SNX29: variants seen among roughly 807,000 people sequenced by gnomAD.
SNX29 encodes sorting nexin-29.
A neutral mutation model predicts 102.1 loss-of-function variants in SNX29; 78 were observed. That is an observed-to-expected ratio of 0.76 (90% CI 0.64 to 0.92). The LOEUF is 0.92. Among genes scored for constraint, SNX29 ranks in the 40% least tolerant of loss-of-function variants. The pLI, the probability that SNX29 is intolerant of heterozygous loss-of-function variation, is 0.00. For missense variants in SNX29, 1,280 were observed against 1,061.7 expected (o/e 1.21, Z -2.86); for synonymous variants, 580 against 414.5 (o/e 1.40, Z -4.85).
rs189866329 is a variant in SNX29 at position 12,123,170 on chromosome 16, T to A, written c.1403-3463T>A. ...ACTATATGACAAAAATTGTATGTAT[T>A]CAGGGCATACAACATGATGATTTGA... On this transcript the variant is annotated intron_variant, in intron 11 of 20. Coordinates refer to ENST00000566228, the MANE Select transcript of SNX29 (RefSeq NM_032167.5). 1.1e-4 allele frequency among the ~76,000 whole-genome samples: 17 copies of A among 152,296 alleles called. No homozygotes were observed. In the East Asian group the frequency reaches 2.7e-3, roughly 24 times the overall value.
intron 13 of SNX29, among the ~76,000 whole-genome samples, chr16:12,191,706 GA>G (rs949498333): frequency 6.6e-6 from 1 of 152,192 alleles, no homozygotes; most frequent in African/African-American, 2.4e-5. Context: ...TACAGTTAGG[GA>G]AAAATGGTTT....
At chr16:12,487,154 C>T (rs1358660623) in intron 19 of SNX29, among the ~76,000 whole-genome samples, 1 of 152,152 alleles carries the variant, frequency 6.6e-6, no homozygotes, top group Middle Eastern at 3.2e-3. Flanking sequence ...GTGCTCAGAA[C>T]AGTGTCTGGC....
chr16:12,126,342 T>C (rs55987136), intron 11 of SNX29, among the ~76,000 whole-genome samples: 2,469 of 152,344 alleles, frequency 0.016, 49 homozygotes, highest in Non-Finnish European at 0.028. Flanking sequence ...AGATAGTAAC[T>C]GTTAAGATCT....
chr16:12,094,938 T>C (rs377521029), intron 11 of SNX29: 1 of 152,164 alleles, frequency 6.6e-6, no homozygotes, highest in South Asian at 2.1e-4. Flanking sequence ...AAGAAAATGA[T>C]AGATCCCAGG....
intron 13 of SNX29, among the ~76,000 whole-genome samples, chr16:12,195,326 T>C (rs1430191551): frequency 6.6e-6 from 1 of 152,264 alleles, no homozygotes; most frequent in African/African-American, 2.4e-5. Context: ...CTTTCTTTTA[T>C]ATTCAAAGCA....
At chr16:12,301,256 G>C (rs563743601) in intron 15 of SNX29, among the ~76,000 whole-genome samples, 1 of 152,324 alleles carries the variant, frequency 6.6e-6, no homozygotes, top group East Asian at 1.9e-4. Context: ...ACTACCAGTA[G>C]ACTCCTTCCT....
intron 15 of SNX29, among the ~76,000 whole-genome samples, chr16:12,338,217 T>G (rs1178580614): frequency 6.6e-6 from 1 of 152,192 alleles, no homozygotes; most frequent in African/African-American, 2.4e-5. Flanking sequence ...CGGCTTTTGT[T>G]TTCTTTGAAA....
intron 18 of SNX29, among the ~76,000 whole-genome samples, chr16:12,433,579 C>T (rs1006588524): frequency 6.2e-5 from 9 of 145,702 alleles, no homozygotes; most frequent in South Asian, 2.2e-4. Flanking sequence ...TGCAGTGAGC[C>T]GAGATCATGC....
rs182792164 is a variant in SNX29, at chr16:12,542,405, C to G, written c.2318+17564C>G. Among the ~76,000 whole-genome samples the G allele has an allele frequency of 4.6e-5, 7 of 152,326 alleles. No individual in the cohort carries two copies. In the East Asian group the frequency reaches 1.3e-3, roughly 29 times the overall value. ...GGGTGGAGTACAGTGGCACAGTCTC[C>G]CCTCACTACAGCCTTCGCCTCCCAA... is the stretch of plus-strand genomic sequence containing the variant. On this transcript the variant is annotated intron_variant, in intron 20 of 20. Transcript: ENST00000566228.
chr16:12,197,351 C>G (rs759156000), intron 13 of SNX29, among the ~76,000 whole-genome samples: 5 of 152,186 alleles, frequency 3.3e-5, no homozygotes, highest in East Asian at 3.9e-4. Flanking sequence ...GGGCGGATCA[C>G]TTAAGGTCAG....
chr16:12,548,460 T>C (rs1252650049), intron 20 of SNX29, among the ~76,000 whole-genome samples: 2 of 152,236 alleles, frequency 1.3e-5, no homozygotes, highest in African/African-American at 4.8e-5. Flanking sequence ...CTGTGTCTTT[T>C]GGACAGCACC....
chr16:12,156,391 C>T (rs1189903693), intron 13 of SNX29, among the ~76,000 whole-genome samples: 1 of 152,220 alleles, frequency 6.6e-6, no homozygotes, highest in South Asian at 2.1e-4. Context: ...CCAGGATGGT[C>T]TCATCCTGAC....
intron 10 of SNX29, among the ~76,000 whole-genome samples, chr16:12,073,854 G>A (rs1457117701): frequency 6.6e-6 from 1 of 151,832 alleles, no homozygotes; most frequent in Non-Finnish European, 1.5e-5. Flanking sequence ...GGGTGCTCCT[G>A]TATTGGGTGC....
intron 8 of SNX29, among the ~76,000 whole-genome samples, chr16:12,058,989 G>A (rs962532302): frequency 5.9e-5 from 9 of 151,628 alleles, no homozygotes; most frequent in Admixed American, 2.6e-4. Context: ...GACAGGGCTC[G>A]AACTCTTGGG....
rs1218073822 is a variant in SNX29 at position 12,571,099 on chromosome 16, C to A, written c.*2470C>A. ...ATGACAGCAACTCCCCGAAGCCTTC[C>A]CTTTGGAATCCCATAGAATGTTCTG... On this transcript the variant is annotated 3_prime_UTR_variant, in exon 21 of 21. Coordinates refer to ENST00000566228, the MANE Select transcript of SNX29 (RefSeq NM_032167.5). 4.3e-6 allele frequency: 1 copy of A among 232,518 alleles called. No individual in the cohort carries two copies. Among genetic ancestry groups the A allele is most frequent in the Non-Finnish European group, 8.5e-6 (1 of 117,654 alleles). 14.4% of individuals were successfully genotyped at this position (232,518 alleles called of 1,614,324 possible).
chr16:12,197,794 G>A (rs1385548610), intron 13 of SNX29, among the ~76,000 whole-genome samples: 1 of 152,150 alleles, frequency 6.6e-6, no homozygotes, highest in Non-Finnish European at 1.5e-5. Context: ...CAGAGCTTTG[G>A]AGATGAACGT....
chr16:12,304,874 G>A (rs2080291507), intron 15 of SNX29, among the ~76,000 whole-genome samples: 1 of 152,148 alleles, frequency 6.6e-6, no homozygotes, highest in Non-Finnish European at 1.5e-5. Context: ...CTGGAAAGCT[G>A]AGCTTTATTC....
intron 13 of SNX29, 133 bp from the exon 14 acceptor site, chr16:12,199,468 G>T (rs1203903660): frequency 3.0e-6 from 2 of 677,618 alleles, no homozygotes; most frequent in East Asian, 2.9e-5. Flanking sequence ...TAAACCATGA[G>T]AATATATTAA....
intron 11 of SNX29, among the ~76,000 whole-genome samples, chr16:12,116,572 G>A (rs762811259): frequency 1.5e-4 from 20 of 137,244 alleles, no homozygotes; most frequent in Non-Finnish European, 2.6e-4. Flanking sequence ...TACTTGGGAG[G>A]CTGAGGCATG....
Sources: allele counts gnomAD v4.1 joint callset (sites outside exome capture counted in the v4.1 genomes callset), GRCh38; gene constraint gnomAD v4.1.1; transcripts MANE v1.5; gene names NCBI Gene and HGNC (gene_info 2026-07-23, HGNC 2026-07-21).